Variants in MGLL observed in about 807,000 individuals in gnomAD.
MGLL encodes the protein lysophospholipase homolog.
MGLL carries 7 observed loss-of-function variants against 29.1 expected under a neutral mutation model. That is an observed-to-expected ratio of 0.24 (90% CI 0.14 to 0.45). The LOEUF (loss-of-function observed/expected upper bound fraction) is 0.45. MGLL is among the 20% of genes least tolerant of loss of function. MGLL has a pLI of 0.99. For missense variants in MGLL, 356 were observed against 413.6 expected, an observed-to-expected ratio of 0.86 and a Z score of 1.21; for synonymous variants, 148 against 168.3, an observed-to-expected ratio of 0.88 and a Z score of 0.93.
intron 3 of MGLL, among the ~76,000 whole-genome samples, chr3:127,758,805 T>C (rs2076709174): frequency 6.6e-6 from 1 of 152,170 alleles, no homozygotes; most frequent in Non-Finnish European, 1.5e-5. Context: ...AAAATATCAT[T>C]CTTGAAAATG....
chr3:127,740,306 G>A (rs573416853), intron 3 of MGLL, among the ~76,000 whole-genome samples: 1 of 152,092 alleles, frequency 6.6e-6, no homozygotes, highest in African/African-American at 2.4e-5. Context: ...GCTGAAACGC[G>A]GTCCTTGTTC....
At position 127,736,445 on chromosome 3, in the gene MGLL, C is replaced by T. The variant is rs575626832; in HGVS notation, c.263-13879G>A. ...AATGAGTCTGGTCCTAGAGAGAACA[C>T]GTGAGAAATGGCTCCGCTGCCCTGG... is the stretch of plus-strand genomic sequence containing the variant. On this transcript the variant is annotated intron_variant, in intron 3 of 7. Transcript: ENST00000265052. The T allele has an allele frequency of 1.1e-3, 810 of 739,472 alleles. 2 individuals carry two copies. The highest frequency in any genetic ancestry group is 1.3e-3 in the Non-Finnish European group (768 of 605,580). The allele number at this position is 739,472 out of a possible 1,614,324, so 45.8% of individuals were successfully genotyped here.
intron 3 of MGLL, among the ~76,000 whole-genome samples, chr3:127,771,959 A>G (rs1418519571): frequency 6.6e-6 from 1 of 152,132 alleles, no homozygotes; most frequent in African/African-American, 2.4e-5. Flanking sequence ...CTGTTTCTCA[A>G]CACAACAGTG....
At chr3:127,745,024 G>A (rs1208861048) in intron 3 of MGLL, among the ~76,000 whole-genome samples, 1 of 152,184 alleles carries the variant, frequency 6.6e-6, no homozygotes, top group Non-Finnish European at 1.5e-5. Context: ...GTCCCTGGAA[G>A]GCAGCAGAAA....
At chr3:127,726,172 GAAAGAAAGAAAGAAAAGA>G (rs1189520451) in intron 3 of MGLL, among the ~76,000 whole-genome samples, 194 of 37,190 alleles carry the variant, frequency 5.2e-3, no homozygotes, top group Middle Eastern at 0.024. Flanking sequence ...AAGAAAGAAA[GAAAGAAAGAAAGAAAAGA>G]AAAGAAAGAA....
intron 5 of MGLL, among the ~76,000 whole-genome samples, chr3:127,717,260 T>G (rs1297962446): frequency 6.6e-6 from 1 of 152,192 alleles, no homozygotes; most frequent in African/African-American, 2.4e-5. Context: ...CCCAAGGGCC[T>G]TCTGGATTCT....
intron 3 of MGLL, among the ~76,000 whole-genome samples, chr3:127,767,029 C>A (rs1031839610): frequency 1.3e-5 from 2 of 152,026 alleles, no homozygotes; most frequent in African/African-American, 4.8e-5. Flanking sequence ...GCCGAGATTG[C>A]ACCACTGCAC....
At chr3:127,726,181 AAAGAAAAGAAAAG>A (rs200830200) in intron 3 of MGLL, among the ~76,000 whole-genome samples, 823 of 49,800 alleles carry the variant, frequency 0.017, 8 homozygotes, top group East Asian at 0.072. Flanking sequence ...AGAAAGAAAG[AAAGAAAAGAAAAG>A]AAAGAAAGAA....
chr3:127,751,033 T>C (rs958128824), intron 3 of MGLL, among the ~76,000 whole-genome samples: 1 of 152,200 alleles, frequency 6.6e-6, no homozygotes, highest in African/African-American at 2.4e-5. Context: ...TGCCCTGCCA[T>C]AGCAGTGGTG....
intron 5 of MGLL, among the ~76,000 whole-genome samples, chr3:127,715,223 G>A (rs192398350): frequency 6.6e-6 from 1 of 152,364 alleles, no homozygotes; most frequent in East Asian, 1.9e-4. Context: ...TGCAGCTAGA[G>A]CAGAAGTGCC....
intron 6 of MGLL, among the ~76,000 whole-genome samples, chr3:127,710,114 G>A (rs2075682590): frequency 6.6e-6 from 1 of 152,174 alleles, no homozygotes; most frequent in African/African-American, 2.4e-5. Context: ...TAAACCTGCT[G>A]GTGGCCCTCT....
At chr3:127,797,900 T>C (rs1414590081) in intron 2 of MGLL, among the ~76,000 whole-genome samples, 5 of 152,294 alleles carry the variant, frequency 3.3e-5, no homozygotes, top group South Asian at 4.1e-4. Flanking sequence ...GGGCCCACCA[T>C]ACCTGGCCCA....
At chr3:127,743,714 C>G (rs1324576151) in intron 3 of MGLL, among the ~76,000 whole-genome samples, 1 of 152,180 alleles carries the variant, frequency 6.6e-6, no homozygotes, top group Admixed American at 6.5e-5. Context: ...GCCCTTCCCT[C>G]TCCAGGGCAA....
At chr3:127,785,185 C>A (rs751514299) in intron 2 of MGLL, among the ~76,000 whole-genome samples, 1 of 152,110 alleles carries the variant, frequency 6.6e-6, no homozygotes, top group African/African-American at 2.4e-5. Flanking sequence ...TCCTGTGAGA[C>A]CTTCCCCCCT....
chr3:127,731,156 G>T (rs1446228561), intron 3 of MGLL, among the ~76,000 whole-genome samples: 1 of 152,128 alleles, frequency 6.6e-6, no homozygotes. Flanking sequence ...TCTGTAATGA[G>T]AATTCTTTTT....
chr3:127,732,049 C>T (rs911518246), intron 3 of MGLL, among the ~76,000 whole-genome samples: 1 of 152,186 alleles, frequency 6.6e-6, no homozygotes, highest in African/African-American at 2.4e-5. Flanking sequence ...CCCCCGGGAA[C>T]CTATAGAACC....
chr3:127,749,560 G>A (rs1163603710), intron 3 of MGLL, among the ~76,000 whole-genome samples: 1 of 152,192 alleles, frequency 6.6e-6, no homozygotes, highest in Non-Finnish European at 1.5e-5. Context: ...AGCACTTGCT[G>A]TGTGCTGGGG....
chr3:127,694,913 G>A (rs2075326711), intron 7 of MGLL, 62 bp downstream of exon 7: 3 of 1,546,740 alleles, frequency 1.9e-6, no homozygotes, highest in Admixed American at 1.7e-5. Flanking sequence ...GTGCCCCAAG[G>A]GGTGCTGCCT....
At chr3:127,818,802 GAAT>G (rs1251443580) in intron 2 of MGLL, among the ~76,000 whole-genome samples, 1 of 152,184 alleles carries the variant, frequency 6.6e-6, no homozygotes, top group African/African-American at 2.4e-5. Flanking sequence ...GGAATAGTAA[GAAT>G]AATAATACTT....
Sources: allele counts gnomAD v4.1 joint callset (sites outside exome capture counted in the v4.1 genomes callset), GRCh38; gene constraint gnomAD v4.1.1; transcripts MANE v1.5; gene names NCBI Gene and HGNC (gene_info 2026-07-23, HGNC 2026-07-21).